The following MLLT1 variants were observed in gnomAD, a reference collection of about 807,000 sequenced individuals.
MLLT1 encodes MLLT1 super elongation complex subunit.
MLLT1 carries 11 observed loss-of-function variants against 55.1 expected under a neutral mutation model. The ratio of observed to expected loss-of-function variants is 0.20; its 90% CI spans 0.13 to 0.33. The LOEUF is 0.33. MLLT1 is among the 10% of genes least tolerant of loss of function. The pLI, the probability that MLLT1 is intolerant of heterozygous loss-of-function variation, is 1.00. For missense variants in MLLT1, 536 were observed against 760.6 expected, an observed-to-expected ratio of 0.70 and a Z score of 3.47; for synonymous variants, 323 against 320.1, an observed-to-expected ratio of 1.01 and a Z score of -0.10.
intron 1 of MLLT1, among the ~76,000 whole-genome samples, chr19:6,271,120 C>A (rs753608718): frequency 1.3e-5 from 2 of 152,022 alleles, no homozygotes; most frequent in African/African-American, 4.8e-5. Flanking sequence ...CGCCTCTTGT[C>A]ACTGGGCTCT....
rs781430480 is a variant in MLLT1, at chr19:6,227,034, T to A, written c.489A>T (p.Thr163=). ...RPSPDYPMLP[T]IPLSAFSDPK... ...GGTCAGAGAAGGCAGAGAGTGGAAT[T>A]GTGGGTAACATGGGGTAGTCGGGAC... The change falls in exon 5 of 12, where the codon ACA becomes ACT. Residue 163 remains threonine, a synonymous_variant. Transcript: ENST00000252674. The surrounding 1 kb of genome is among the most constrained non-coding windows in gnomAD (Gnocchi z 5.1). The A allele has an allele frequency of 6.2e-7, 1 of 1,607,182 alleles. No individual in the cohort carries two copies. The highest frequency in any genetic ancestry group is 1.1e-5 in the South Asian group (1 of 89,864).
At chr19:6,249,132 G>C (rs1434132638) in intron 3 of MLLT1, among the ~76,000 whole-genome samples, 1 of 152,010 alleles carries the variant, frequency 6.6e-6, no homozygotes, top group Non-Finnish European at 1.5e-5. Context: ...TAAACAGACT[G>C]AATTTCAAAG....
In MLLT1 at chr19:6,216,528, C is replaced by A; in HGVS notation, c.1199-15G>T. ...GCGCAGGGGTCCTGGGGAGGCGGGGCAGGGAGGGAGGGGAGACAAGGGCAG... is the reference window on the plus strand; with the variant it reads ...GCGCAGGGGTCCTGGGGAGGCGGGGAAGGGAGGGAGGGGAGACAAGGGCAG... On this transcript the variant is annotated splice_polypyrimidine_tract_variant and intron_variant, in intron 7 of 11. Transcript: ENST00000252674. The A allele has an allele frequency of 2.6e-6, 4 of 1,532,434 alleles. No individual in the cohort carries two copies. Among genetic ancestry groups the A allele is most frequent in the Non-Finnish European group, 3.6e-6 (4 of 1,125,298 alleles). 94.9% of individuals were successfully genotyped at this position (1,532,434 alleles called of 1,614,324 possible). A position where few individuals can be genotyped will look rare whatever the true frequency, so the allele number is the denominator to read the frequency against.
intron 3 of MLLT1, chr19:6,259,810 A>C (rs1284765326): frequency 1.3e-5 from 2 of 151,464 alleles, no homozygotes; most frequent in Non-Finnish European, 1.5e-5. Context: ...AAAAAAAAAA[A>C]AAAAAAAAAA....
intron 2 of MLLT1, among the ~76,000 whole-genome samples, chr19:6,266,803 C>A (rs1478665887): frequency 1.3e-5 from 2 of 152,126 alleles, no homozygotes; most frequent in Non-Finnish European, 2.9e-5. Context: ...AGACACTGCT[C>A]TACCAAAACA....
At chr19:6,218,263 G>A (rs1353056291) in intron 6 of MLLT1, among the ~76,000 whole-genome samples, 1 of 152,226 alleles carries the variant, frequency 6.6e-6, no homozygotes, top group African/African-American at 2.4e-5. Context: ...TAGGACACCC[G>A]TGGATGTCTG....
Position 6,226,952 on chromosome 19 carries a change from C to A in MLLT1, c.546+25G>T, listed in dbSNP as rs377755143. Reference sequence around the variant, plus strand: ...ACAGCTGGGCCCCGGCGCTCCCACGCGACTGGGCCTTCCGCCTCACTAACC... The same window carrying A: ...ACAGCTGGGCCCCGGCGCTCCCACGAGACTGGGCCTTCCGCCTCACTAACC... On this transcript the variant is annotated intron_variant, in intron 5 of 11. Transcript: ENST00000252674. This position sits in a 1 kb window ranked among gnomAD's most constrained non-coding sequence, Gnocchi z 6.3. 26 of 1,562,754 alleles carry A rather than the reference C, an allele frequency of 1.7e-5. No individual in the cohort carries two copies. Among genetic ancestry groups the A allele is most frequent in the Admixed American group, 3.9e-5 (2 of 51,386 alleles).
chr19:6,264,892 TAAAAAA>T (rs34494210), intron 2 of MLLT1, among the ~76,000 whole-genome samples: 7 of 73,634 alleles, frequency 9.5e-5, no homozygotes, highest in Non-Finnish European at 1.5e-4. Flanking sequence ...GAAACTCTGT[TAAAAAA>T]AAAAAAAAAA....
chr19:6,254,231 C>T (rs2091240962), intron 3 of MLLT1, among the ~76,000 whole-genome samples: 1 of 152,194 alleles, frequency 6.6e-6, no homozygotes, highest in South Asian at 2.1e-4. Context: ...CCATAAACAC[C>T]TTACACAAAG....
At position 6,276,105 on chromosome 19, in the gene MLLT1, C is replaced by T. The variant is rs553259762; in HGVS notation, c.12+3668G>A. Among the ~76,000 whole-genome samples, 5 of 152,186 alleles carry T rather than the reference C, an allele frequency of 3.3e-5. No individual in the cohort carries two copies. In the East Asian group the frequency reaches 5.8e-4, roughly 18 times the overall value. On this transcript the variant is annotated intron_variant, in intron 1 of 11. Coordinates refer to ENST00000252674, the MANE Select transcript of MLLT1 (RefSeq NM_005934.4). ...AAGCTGAGTGCAAAACCTCCCATTA[C>T]GAACCACAACGGGCATAAAGGGAAA...
intron 3 of MLLT1, among the ~76,000 whole-genome samples, chr19:6,244,751 T>C (rs2091151001): frequency 6.6e-6 from 1 of 152,304 alleles, no homozygotes; most frequent in East Asian, 1.9e-4. Flanking sequence ...TAACCCAATT[T>C]TTTTTAATGA....
At position 6,213,019 on chromosome 19, in the gene MLLT1, G is replaced by A; in HGVS notation, c.*23C>T. The A allele has an allele frequency of 1.2e-6, 2 of 1,610,884 alleles. No homozygotes were observed. Among genetic ancestry groups the A allele is most frequent in the Non-Finnish European group, 1.7e-6 (2 of 1,178,228 alleles). ...GCAGCCTCCCAGGACCCCGGCGGTGGGGGCCCGGCACGCGGCCCAGGGTCA... is the reference window on the plus strand; with the variant it reads ...GCAGCCTCCCAGGACCCCGGCGGTGAGGGCCCGGCACGCGGCCCAGGGTCA... On this transcript the variant is annotated 3_prime_UTR_variant, in exon 12 of 12. Coordinates refer to ENST00000252674, the MANE Select transcript of MLLT1 (RefSeq NM_005934.4).
rs1227387882 is a variant in MLLT1, at chr19:6,262,619, G to A, written c.194-309C>T. Among the ~76,000 whole-genome samples, 1 of 152,190 alleles carries A rather than the reference G, an allele frequency of 6.6e-6. No individual in the cohort carries two copies. Among genetic ancestry groups the A allele is most frequent in the Non-Finnish European group, 1.5e-5 (1 of 68,028 alleles). ...TCCTGCAGAGGATGAGGAGGCTGAG[G>A]CCAGAGAAGGCTGCACAAGTTTGCC... On this transcript the variant is annotated intron_variant, in intron 2 of 11. Coordinates refer to ENST00000252674, the MANE Select transcript of MLLT1 (RefSeq NM_005934.4). This position sits in a 1 kb window ranked among gnomAD's most constrained non-coding sequence, Gnocchi z 4.4.
At chr19:6,252,392 C>T (rs2091223751) in intron 3 of MLLT1, among the ~76,000 whole-genome samples, 1 of 152,154 alleles carries the variant, frequency 6.6e-6, no homozygotes, top group East Asian at 1.9e-4. Flanking sequence ...GAGCCTATTC[C>T]CCCAATAAGT....
At position 6,212,526 on chromosome 19, in the gene MLLT1, A is replaced by G; in HGVS notation, c.*516T>C. ...AACTATACAGCACAGACCCCAGCGC[A>G]GCGCGAGCCGGGGAGGAGCCGGCGC... On this transcript the variant is annotated 3_prime_UTR_variant, in exon 12 of 12. Transcript: ENST00000252674. The G allele has an allele frequency of 9.3e-7, 1 of 1,080,658 alleles. No homozygotes were observed. Among genetic ancestry groups the G allele is most frequent in the East Asian group, 4.9e-5 (1 of 20,362 alleles). 66.9% of individuals were successfully genotyped at this position (1,080,658 alleles called of 1,614,324 possible).
At chr19:6,237,071 C>T (rs1003192031) in intron 3 of MLLT1, among the ~76,000 whole-genome samples, 10 of 152,268 alleles carry the variant, frequency 6.6e-5, no homozygotes, top group East Asian at 1.9e-4. Context: ...TGCACCATCC[C>T]GTGCCCGGGG....
In MLLT1 at chr19:6,213,332, G is replaced by A. The variant is rs374460061; in HGVS notation, c.1551+5C>T. ...TGCCGGGCAGGACCCTCAGGGGGGC[G>A]ATACCTGCTGCAGCACGTTGCGCTC... On this transcript the variant is annotated splice_donor_5th_base_variant and intron_variant, in intron 11 of 11. Coordinates refer to ENST00000252674, the MANE Select transcript of MLLT1 (RefSeq NM_005934.4). 310 of 1,612,156 alleles carry A rather than the reference G, an allele frequency of 1.9e-4. 1 individual carries two copies. Among genetic ancestry groups the A allele is most frequent in the South Asian group, 1.5e-3 (140 of 91,072 alleles).
rs187605879 is a variant in MLLT1 at position 6,230,910 on chromosome 19, C to G, written c.277-197G>C. Among the ~76,000 whole-genome samples, 4 of 152,336 alleles carry G rather than the reference C, an allele frequency of 2.6e-5. No homozygotes were observed. The highest frequency in any genetic ancestry group is 9.6e-5 in the African/African-American group (4 of 41,576). On this transcript the variant is annotated intron_variant, in intron 3 of 11. Coordinates refer to ENST00000252674, the MANE Select transcript of MLLT1 (RefSeq NM_005934.4). This position sits in a 1 kb window ranked among gnomAD's most constrained non-coding sequence, Gnocchi z 9.0. ...CGACCAGCTTACTATGTGCAGCTAA[C>G]TGGGTCTTGCAGGCCCCATGGCAGA...
chr19:6,236,879 G>A (rs113527592), intron 3 of MLLT1, among the ~76,000 whole-genome samples: 3,114 of 152,318 alleles, frequency 0.02, 41 homozygotes, highest in Middle Eastern at 0.051. Context: ...GACTCCAGCC[G>A]GACTGTGCTG....
Sources: allele counts gnomAD v4.1 joint callset (sites outside exome capture counted in the v4.1 genomes callset), GRCh38; gene constraint gnomAD v4.1.1; non-coding constraint Gnocchi (gnomAD v3.1); transcripts MANE v1.5; gene names NCBI Gene and HGNC (gene_info 2026-07-23, HGNC 2026-07-21).